The following SLCO1C1 variants were observed in gnomAD, a reference collection of about 807,000 sequenced individuals.
SLCO1C1 encodes the protein solute carrier organic anion transporter family member 1C1, also known as OAT-RP-5.
A neutral mutation model predicts 76.4 loss-of-function variants in SLCO1C1; 70 were observed. The observed-to-expected ratio is 0.92, with a 90% CI of 0.76 to 1.12. SLCO1C1 has a LOEUF of 1.12. SLCO1C1 is among the 50% of genes most tolerant of loss of function. SLCO1C1 has a pLI of 0.00. For synonymous variants in SLCO1C1, 306 were observed against 286.1 expected, an observed-to-expected ratio of 1.07 and a Z score of -0.70; for missense variants, 912 against 823.8, an observed-to-expected ratio of 1.11 and a Z score of -1.31.
intron 3 of SLCO1C1, among the ~76,000 whole-genome samples, chr12:20,703,055 ATTAT>A (rs1312862363): frequency 6.6e-6 from 1 of 151,866 alleles, no homozygotes; most frequent in Non-Finnish European, 1.5e-5. Flanking sequence ...AGGTATATAA[ATTAT>A]TTATTGGATT....
Position 20,703,274 on chromosome 12 carries a change from T to C in SLCO1C1, c.271+1815T>C, listed in dbSNP as rs12308399. On this transcript the variant is annotated intron_variant, in intron 3 of 14. Coordinates refer to ENST00000266509, the MANE Select transcript of SLCO1C1 (RefSeq NM_017435.5). ...ACAAATATCATCCTCCGTCTTTATG[T>C]TATTTGTATGTGGCAACTTTGTTGA... Among the ~76,000 whole-genome samples, 946 of 152,086 alleles carry C rather than the reference T, an allele frequency of 6.2e-3. 8 individuals are homozygous for C. The highest frequency in any genetic ancestry group is 0.021 in the African/African-American group (855 of 41,546).
At position 20,713,584 on chromosome 12, in the gene SLCO1C1, G is replaced by T. The variant is rs1277963972; in HGVS notation, c.530-1555G>T. ...CTCCTGTTCCCTTAAAGTCTGTTTC[G>T]TTAGACATAGTGGACACAAGACTCA... On this transcript the variant is annotated intron_variant, in intron 5 of 14. Transcript: ENST00000266509. Among the ~76,000 whole-genome samples the T allele has an allele frequency of 4.6e-5, 7 of 152,132 alleles. No homozygotes were observed. The East Asian group carries it at 1.4e-3, about 29-fold the overall frequency.
chr12:20,747,289 A>G (rs760107937), intron 13 of SLCO1C1, among the ~76,000 whole-genome samples: 1 of 152,022 alleles, frequency 6.6e-6, no homozygotes. Flanking sequence ...TTAGCCTGGC[A>G]TGGTGGTGCA....
At chr12:20,700,992 A>G (rs1946494852) in intron 2 of SLCO1C1, among the ~76,000 whole-genome samples, 1 of 152,014 alleles carries the variant, frequency 6.6e-6, no homozygotes, top group Admixed American at 6.6e-5. Flanking sequence ...TGAATGTCTC[A>G]CCATACACTG....
intron 4 of SLCO1C1, among the ~76,000 whole-genome samples, chr12:20,707,120 T>A (rs1946818463): frequency 6.6e-6 from 1 of 152,074 alleles, no homozygotes; most frequent in Non-Finnish European, 1.5e-5. Context: ...TTTCTGCCCA[T>A]TTGGATGAAT....
chr12:20,719,659 C>G (rs1384088195), intron 7 of SLCO1C1, among the ~76,000 whole-genome samples: 4 of 152,154 alleles, frequency 2.6e-5, no homozygotes, highest in Non-Finnish European at 5.9e-5. Flanking sequence ...AAACCTAATT[C>G]AGAACAAGGC....
chr12:20,743,792 A>G lies in SLCO1C1; in HGVS notation c.1798+423A>G, dbSNP rs977637321. Among the ~76,000 whole-genome samples, 9 of 152,148 alleles carry G rather than the reference A, an allele frequency of 5.9e-5. No homozygotes were observed. In the South Asian group the frequency reaches 1.9e-3, roughly 32 times the overall value. ...GAGTTACTCTCAATGCTTATCCCTT[A>G]TGTTATTAGGTAGAAAAATAAGGTA... On this transcript the variant is annotated intron_variant, in intron 13 of 14. Coordinates refer to ENST00000266509, the MANE Select transcript of SLCO1C1 (RefSeq NM_017435.5).
At chr12:20,707,834 G>A (rs1201014961) in intron 4 of SLCO1C1, among the ~76,000 whole-genome samples, 4 of 152,026 alleles carry the variant, frequency 2.6e-5, no homozygotes, top group African/African-American at 7.2e-5. Flanking sequence ...AAAAAAAAAT[G>A]TATTAAAAAG....
chr12:20,741,699 C>G (rs1467234642), intron 12 of SLCO1C1, among the ~76,000 whole-genome samples: 1 of 151,298 alleles, frequency 6.6e-6, no homozygotes, highest in African/African-American at 2.4e-5. Flanking sequence ...TTACATGAAT[C>G]CAAATTGTAA....
Position 20,752,294 on chromosome 12 carries a change from C to T in SLCO1C1, c.1917-12C>T. ...TTGCATTAATTATAACAGAGATTCT[C>T]TCTTCTTCTAGACATATATATCTGG... is the stretch of plus-strand genomic sequence containing the variant. On this transcript the variant is annotated splice_polypyrimidine_tract_variant and intron_variant, in intron 14 of 14. Transcript: ENST00000266509. The T allele has an allele frequency of 6.7e-7, 1 of 1,489,600 alleles. No homozygotes were observed. Among genetic ancestry groups the T allele is most frequent in the Non-Finnish European group, 9.1e-7 (1 of 1,104,116 alleles). 92.3% of individuals were successfully genotyped at this position (1,489,600 alleles called of 1,614,324 possible).
At chr12:20,726,651 G>GGCA (rs1424054015) in intron 9 of SLCO1C1, among the ~76,000 whole-genome samples, 2 of 151,940 alleles carry the variant, frequency 1.3e-5, no homozygotes, top group African/African-American at 4.8e-5. Flanking sequence ...AATTTGGATA[G>GGCA]GCAGCTAGAT....
Position 20,721,814 on chromosome 12 carries a change from C to A in SLCO1C1, c.786C>A (p.Thr262=). 1 of 1,614,068 alleles carries A rather than the reference C, an allele frequency of 6.2e-7. No homozygotes were observed. The highest frequency in any genetic ancestry group is 1.3e-5 in the African/African-American group (1 of 75,034). Reference sequence around the variant, plus strand: ...CCCTCTGTCTTTCAGATCACATAACCATTACCCCAAAAGATCCCCAGTGGG... The same window carrying A: ...CCCTCTGTCTTTCAGATCACATAACAATTACCCCAAAAGATCCCCAGTGGG... ...DIGFVNLDHI[T]ITPKDPQWVG... The change falls in exon 8 of 15, where the codon ACC becomes ACA. Residue 262 remains threonine, a synonymous_variant. Coordinates refer to ENST00000266509, the MANE Select transcript of SLCO1C1 (RefSeq NM_017435.5).
chr12:20,708,718 G>A (rs1024299723), intron 4 of SLCO1C1, among the ~76,000 whole-genome samples: 5 of 152,184 alleles, frequency 3.3e-5, no homozygotes, highest in Admixed American at 2.0e-4. Flanking sequence ...AAAATGCAAT[G>A]ACCACGGAGA....
chr12:20,717,304 T>C, intron 7 of SLCO1C1, 74 bp downstream of exon 7: 1 of 1,192,446 alleles, frequency 8.4e-7, no homozygotes, highest in South Asian at 1.5e-5. Flanking sequence ...AGTGTGGAAA[T>C]TATCAAATTG....
intron 4 of SLCO1C1, among the ~76,000 whole-genome samples, chr12:20,707,922 G>T (rs1946863942): frequency 6.6e-6 from 1 of 152,146 alleles, no homozygotes; most frequent in Non-Finnish European, 1.5e-5. Flanking sequence ...CAACACTTTT[G>T]ACATGGTAGA....
chr12:20,699,347 G>T (rs553010487), intron 1 of SLCO1C1, among the ~76,000 whole-genome samples: 1 of 152,076 alleles, frequency 6.6e-6, no homozygotes, highest in South Asian at 2.1e-4. Context: ...GAGAAAGAAT[G>T]CTGGCTACAG....
chr12:20,715,309 T>C, intron 6 of SLCO1C1, 24 bp downstream of exon 6: 1 of 1,610,368 alleles, frequency 6.2e-7, no homozygotes, highest in Non-Finnish European at 8.5e-7. Flanking sequence ...ATTGCTTCAC[T>C]TATCTTCTTG....
At chr12:20,695,843 T>C (rs549835188) in intron 1 of SLCO1C1, 36 bp downstream of exon 1, 1 of 152,250 alleles carries the variant, frequency 6.6e-6, no homozygotes, top group South Asian at 2.1e-4. Context: ...ATTTTGTGAC[T>C]AATACATCAG....
At chr12:20,699,512 A>T (rs1946418808) in intron 1 of SLCO1C1, 40 bp from the exon 2 acceptor site, 2 of 1,398,378 alleles carry the variant, frequency 1.4e-6, no homozygotes, top group African/African-American at 3.7e-5. Context: ...TAAATTGCGT[A>T]GTATTTATTT....
Sources: allele counts gnomAD v4.1 joint callset (sites outside exome capture counted in the v4.1 genomes callset), GRCh38; gene constraint gnomAD v4.1.1; transcripts MANE v1.5; gene names NCBI Gene and HGNC (gene_info 2026-07-23, HGNC 2026-07-21).